Variants in DPYD observed in about 807,000 individuals in gnomAD.
DPYD encodes the protein dihydropyrimidine dehydrogenase, also known as dihydropyrimidine dehydrogenase [NADP(+)].
Under a neutral mutation model 116.2 loss-of-function variants are expected in DPYD, and 109 were observed. The ratio of observed to expected loss-of-function variants is 0.94; its 90% confidence interval spans 0.80 to 1.10. The LOEUF is 1.10. Among genes scored for constraint, DPYD ranks in the 50% least tolerant of loss-of-function variants. The pLI, the probability that DPYD is intolerant of heterozygous loss-of-function variation, is 0.00. For missense variants in DPYD, 1,302 were observed against 1,254.5 expected, an observed-to-expected ratio of 1.04 and a Z score of -0.57; for synonymous variants, 440 against 432.0, an observed-to-expected ratio of 1.02 and a Z score of -0.23.
chr1:97,511,515 C>A (rs542481768), intron 13 of DPYD, among the ~76,000 whole-genome samples: 2 of 152,058 alleles, frequency 1.3e-5, no homozygotes, highest in East Asian at 3.9e-4. Flanking sequence ...AAAACAACAA[C>A]AACAACATTT....
At chr1:97,098,446 A>G (rs757750025) in intron 21 of DPYD, 43 bp downstream of exon 21, 1 of 1,592,138 alleles carries the variant, frequency 6.3e-7, no homozygotes, top group Non-Finnish European at 8.6e-7. Flanking sequence ...TGTATATTTA[A>G]CCAGTAAAGT....
At chr1:97,867,740 T>G (rs1054815541) in intron 2 of DPYD, among the ~76,000 whole-genome samples, 1 of 151,844 alleles carries the variant, frequency 6.6e-6, no homozygotes. Flanking sequence ...ATAAAAGCCA[T>G]GTATCACAAG....
intron 8 of DPYD, among the ~76,000 whole-genome samples, chr1:97,627,475 T>C (rs566840629): frequency 6.6e-6 from 1 of 152,206 alleles, no homozygotes; most frequent in South Asian, 2.1e-4. Flanking sequence ...CAACTCACTC[T>C]GTTTCAGGTA....
chr1:97,569,026 A>C (rs1652719687), intron 11 of DPYD, among the ~76,000 whole-genome samples: 1 of 152,148 alleles, frequency 6.6e-6, no homozygotes, highest in Non-Finnish European at 1.5e-5. Flanking sequence ...GAATCACAGA[A>C]TGAGCTAAAG....
At chr1:97,082,597 T>C (rs1184433846) in intron 21 of DPYD, 127 bp from the exon 22 acceptor site, 1 of 1,122,268 alleles carries the variant, frequency 8.9e-7, no homozygotes, top group Admixed American at 1.8e-5. Context: ...GACTGGATAG[T>C]ATAATTCTCA....
intron 18 of DPYD, among the ~76,000 whole-genome samples, chr1:97,261,757 A>G (rs528231739): frequency 6.6e-6 from 1 of 152,120 alleles, no homozygotes; most frequent in African/African-American, 2.4e-5. Flanking sequence ...TAATAGCTCT[A>G]TGAAGTCTGA....
chr1:97,693,582 C>A (rs575743204), intron 6 of DPYD, among the ~76,000 whole-genome samples: 1 of 152,124 alleles, frequency 6.6e-6, no homozygotes, highest in African/African-American at 2.4e-5. Flanking sequence ...TGTATGTGGA[C>A]ACAAACAGAC....
chr1:97,641,705 T>C (rs1362383958), intron 8 of DPYD, among the ~76,000 whole-genome samples: 2 of 152,122 alleles, frequency 1.3e-5, no homozygotes, highest in African/African-American at 4.8e-5. Context: ...AAGGATGCCC[T>C]CTCTCACCAC....
At chr1:97,310,753 T>C (rs1237444387) in intron 16 of DPYD, among the ~76,000 whole-genome samples, 1 of 151,760 alleles carries the variant, frequency 6.6e-6, no homozygotes, top group African/African-American at 2.4e-5. Flanking sequence ...CTTAATTATA[T>C]ATACAAGTGA....
chr1:97,807,445 A>G (rs1168355587), intron 3 of DPYD, among the ~76,000 whole-genome samples: 1 of 151,992 alleles, frequency 6.6e-6, no homozygotes, highest in Non-Finnish European at 1.5e-5. Context: ...ATCTTTCTTG[A>G]TGAGGTGTAT....
chr1:97,735,026 A>G (rs1167064541), intron 4 of DPYD, among the ~76,000 whole-genome samples: 5 of 152,224 alleles, frequency 3.3e-5, no homozygotes, highest in East Asian at 1.9e-4. Context: ...AATTAAATTT[A>G]TATTTGTATT....
intron 1 of DPYD, among the ~76,000 whole-genome samples, chr1:97,899,209 C>T (rs369441141): frequency 8.6e-5 from 13 of 151,458 alleles, no homozygotes; most frequent in African/African-American, 2.9e-4. Context: ...GTGGTCTGAA[C>T]CTTGAATAAC....
chr1:97,898,573 T>C (rs1673199289), intron 1 of DPYD, among the ~76,000 whole-genome samples: 1 of 151,976 alleles, frequency 6.6e-6, no homozygotes, highest in Non-Finnish European at 1.5e-5. Context: ...ATATTTTGTT[T>C]CTTTTTTATT....
intron 2 of DPYD, among the ~76,000 whole-genome samples, chr1:97,871,500 C>T (rs935289976): frequency 1.1e-4 from 17 of 151,302 alleles, no homozygotes; most frequent in Non-Finnish European, 2.2e-4. Context: ...TGGAATTCCC[C>T]ACGACAATAC....
At chr1:97,755,433 T>C (rs1020532816) in intron 3 of DPYD, among the ~76,000 whole-genome samples, 2 of 152,100 alleles carry the variant, frequency 1.3e-5, no homozygotes, top group African/African-American at 4.8e-5. Context: ...TTCCCTACTA[T>C]CTATCTGTAA....
intron 13 of DPYD, among the ~76,000 whole-genome samples, chr1:97,493,542 A>G (rs1450825354): frequency 2.6e-5 from 4 of 152,162 alleles, no homozygotes; most frequent in African/African-American, 4.8e-5. Context: ...AACTTGGTTA[A>G]TGTCAGGTGG....
chr1:97,092,266 C>T (rs551617528), intron 21 of DPYD, among the ~76,000 whole-genome samples: 12 of 152,080 alleles, frequency 7.9e-5, no homozygotes, highest in Admixed American at 3.9e-4. Context: ...GCTATAGTAC[C>T]GGAACATAGT....
intron 14 of DPYD, among the ~76,000 whole-genome samples, chr1:97,441,896 G>A (rs1194181985): frequency 2.0e-5 from 3 of 152,156 alleles, no homozygotes; most frequent in Non-Finnish European, 4.4e-5. Context: ...GACCAAAGCA[G>A]TGCTCAGCCT....
intron 5 of DPYD, among the ~76,000 whole-genome samples, chr1:97,716,084 A>G (rs921563080): frequency 6.6e-6 from 1 of 152,076 alleles, no homozygotes; most frequent in African/African-American, 2.4e-5. Flanking sequence ...TAAGCAAAAC[A>G]TAAATGTTGA....
Sources: allele counts gnomAD v4.1 joint callset (sites outside exome capture counted in the v4.1 genomes callset), GRCh38; gene constraint gnomAD v4.1.1; transcripts MANE v1.5; gene names NCBI Gene and HGNC (gene_info 2026-07-23, HGNC 2026-07-21).